RBMS3: variants seen among roughly 807,000 people sequenced by gnomAD.
RBMS3 encodes RNA binding motif single stranded interacting protein 3.
Under a neutral mutation model 66.8 loss-of-function variants are expected in RBMS3, and 27 were observed. That is an observed-to-expected ratio of 0.40 (90% CI 0.30 to 0.56). The LOEUF (loss-of-function observed/expected upper bound fraction) is 0.56, where lower values mean the gene tolerates loss of function less well. Among genes scored for constraint, RBMS3 ranks in the 20% least tolerant of loss-of-function variants. The pLI is 0.40. For missense variants in RBMS3, 513 were observed against 549.5 expected (o/e 0.93, Z 0.66); for synonymous variants, 188 against 183.0 (o/e 1.03, Z -0.22).
intron 10 of RBMS3, among the ~76,000 whole-genome samples, chr3:29,928,211 T>TATATATATATACACAC (rs1291440563): frequency 1.1e-5 from 1 of 93,504 alleles, no homozygotes; most frequent in African/African-American, 4.2e-5. Flanking sequence ...TATATATATA[T>TATATATATATACACAC]ACACACACAC....
intron 1 of RBMS3, among the ~76,000 whole-genome samples, chr3:29,313,710 G>A (rs1391796743): frequency 1.3e-5 from 2 of 151,656 alleles, no homozygotes; most frequent in East Asian, 3.9e-4. Context: ...TTGTTAAAAA[G>A]GCATGATGCT....
chr3:29,371,938 T>C (rs1433648095), intron 1 of RBMS3, among the ~76,000 whole-genome samples: 1 of 152,222 alleles, frequency 6.6e-6, no homozygotes, highest in African/African-American at 2.4e-5. Context: ...TCTTCATTTA[T>C]TAATCATTTG....
chr3:29,384,910 G>A (rs990519260), intron 1 of RBMS3, among the ~76,000 whole-genome samples: 1 of 152,142 alleles, frequency 6.6e-6, no homozygotes, highest in African/African-American at 2.4e-5. Flanking sequence ...TACGTTTCTT[G>A]TCACCACAAT....
At chr3:29,634,083 G>T (rs936171503) in intron 4 of RBMS3, among the ~76,000 whole-genome samples, 1 of 151,868 alleles carries the variant, frequency 6.6e-6, no homozygotes, top group Admixed American at 6.6e-5. Context: ...TAATCTGATA[G>T]GTATTTTGTT....
At chr3:29,352,393 A>C (rs549485928) in intron 1 of RBMS3, among the ~76,000 whole-genome samples, 1 of 152,124 alleles carries the variant, frequency 6.6e-6, no homozygotes, top group Admixed American at 6.6e-5. Flanking sequence ...ATGTGGTTGA[A>C]TTTTAAATTT....
chr3:29,431,210 T>C (rs2041175026), intron 1 of RBMS3, among the ~76,000 whole-genome samples: 1 of 152,174 alleles, frequency 6.6e-6, no homozygotes, highest in Admixed American at 6.5e-5. Flanking sequence ...CATTTTAAAA[T>C]TCATTTTAAA....
intron 2 of RBMS3, among the ~76,000 whole-genome samples, chr3:29,478,407 C>A (rs1575947698): frequency 6.6e-6 from 1 of 152,122 alleles, no homozygotes; most frequent in East Asian, 1.9e-4. Context: ...ATGGAAGTGA[C>A]AAGGTAGCTT....
At chr3:29,582,193 G>T (rs201105588) in intron 3 of RBMS3, among the ~76,000 whole-genome samples, 1 of 147,704 alleles carries the variant, frequency 6.8e-6, no homozygotes, top group Non-Finnish European at 1.5e-5. Context: ...TAGATAGATA[G>T]ATACACACAC....
At chr3:29,903,161 T>A (rs2060296308) in intron 10 of RBMS3, 1 of 151,920 alleles carries the variant, frequency 6.6e-6, no homozygotes, top group South Asian at 2.1e-4. Context: ...AAAGGATAGA[T>A]GTCTCTTTGC....
At chr3:29,771,540 TAATTAAGGTTACAGCAAA>T (rs1407069928) in intron 6 of RBMS3, among the ~76,000 whole-genome samples, 1 of 151,754 alleles carries the variant, frequency 6.6e-6, no homozygotes, top group African/African-American at 2.4e-5. Flanking sequence ...TGAAAAAGAG[TAATTAAGGTTACAGCAAA>T]AATTAAGGTT....
intron 1 of RBMS3, among the ~76,000 whole-genome samples, chr3:29,405,617 G>C (rs1445539877): frequency 6.6e-6 from 1 of 152,070 alleles, no homozygotes; most frequent in Non-Finnish European, 1.5e-5. Context: ...AGGTGAATGG[G>C]TCACACACAC....
chr3:29,772,219 G>T (rs1208485631), intron 6 of RBMS3, among the ~76,000 whole-genome samples: 1 of 151,980 alleles, frequency 6.6e-6, no homozygotes, highest in Non-Finnish European at 1.5e-5. Context: ...CTGACACCTT[G>T]ATTTTAGCCC....
chr3:29,301,402 TTGAG>T (rs776137496), intron 1 of RBMS3, among the ~76,000 whole-genome samples: 1 of 151,990 alleles, frequency 6.6e-6, no homozygotes, highest in Non-Finnish European at 1.5e-5. Flanking sequence ...ACAAGAATAT[TTGAG>T]TGACAAGTCT....
intron 1 of RBMS3, among the ~76,000 whole-genome samples, chr3:29,286,135 A>G (rs749610171): frequency 3.9e-5 from 6 of 152,140 alleles, no homozygotes; most frequent in Non-Finnish European, 7.4e-5. Context: ...TACAACTCCA[A>G]ATATTTTCTT....
chr3:29,384,459 G>T (rs895437859), intron 1 of RBMS3, among the ~76,000 whole-genome samples: 2 of 151,570 alleles, frequency 1.3e-5, no homozygotes, highest in African/African-American at 4.9e-5. Context: ...AGAAGAAGAA[G>T]AAGAAGAATC....
At chr3:29,817,345 A>G (rs2057941861) in intron 6 of RBMS3, among the ~76,000 whole-genome samples, 1 of 151,922 alleles carries the variant, frequency 6.6e-6, no homozygotes, top group Non-Finnish European at 1.5e-5. Context: ...CTGGGATTAC[A>G]GGCGTCCACC....
At chr3:29,579,004 T>C (rs2047230126) in intron 3 of RBMS3, among the ~76,000 whole-genome samples, 1 of 136,162 alleles carries the variant, frequency 7.3e-6, no homozygotes, top group South Asian at 2.8e-4. Flanking sequence ...GGTTTCACCT[T>C]GTTAGCCAGG....
intron 4 of RBMS3, among the ~76,000 whole-genome samples, chr3:29,682,982 G>A (rs1209753359): frequency 6.6e-6 from 1 of 152,152 alleles, no homozygotes; most frequent in African/African-American, 2.4e-5. Flanking sequence ...CTGTTACTGT[G>A]GGATAATAAT....
At chr3:29,970,567 A>C (rs1553710625) in intron 12 of RBMS3, among the ~76,000 whole-genome samples, 1 of 151,898 alleles carries the variant, frequency 6.6e-6, no homozygotes, top group South Asian at 2.1e-4. Flanking sequence ...TATCCAATTT[A>C]TTTTCTTTGT....
Sources: gnomAD v4.1 joint callset for allele counts (sites outside exome capture counted in the v4.1 genomes callset) on GRCh38, gnomAD v4.1.1 for gene constraint, MANE v1.5 for transcripts, NCBI Gene and HGNC (gene_info 2026-07-23, HGNC 2026-07-21) for gene names.